Variants in FNIP1 observed in about 807,000 individuals in gnomAD.
FNIP1 encodes the protein folliculin interacting protein 1, also known as folliculin-interacting protein 1.
FNIP1 carries 40 observed loss-of-function variants against 124.5 expected under a neutral mutation model. That is an observed-to-expected ratio of 0.32 (90% CI 0.25 to 0.42). The LOEUF is 0.42. Ranked by LOEUF, FNIP1 falls within the 10% of genes least tolerant of loss-of-function variation. The probability of loss-of-function intolerance (pLI) is 1.00; values close to 1 mark genes in which losing one functional copy is unlikely to be tolerated. For synonymous variants in FNIP1, 472 were observed against 470.6 expected (o/e 1.00, Z -0.04); for missense variants, 1,176 against 1,403.7 (o/e 0.84, Z 2.59).
At chr5:131,684,905 A>G (rs1347411336) in intron 11 of FNIP1, among the ~76,000 whole-genome samples, 5 of 152,254 alleles carry the variant, frequency 3.3e-5, no homozygotes, top group Non-Finnish European at 7.3e-5. Context: ...TCACTGCCTT[A>G]TACTAATGCA....
intron 1 of FNIP1, among the ~76,000 whole-genome samples, chr5:131,760,350 C>A (rs1210266521): frequency 6.6e-6 from 1 of 152,160 alleles, no homozygotes; most frequent in African/African-American, 2.4e-5. Flanking sequence ...GTTTGTATCT[C>A]AATACATTAA....
chr5:131,781,863 A>G (rs887421158), intron 1 of FNIP1, among the ~76,000 whole-genome samples: 18 of 152,176 alleles, frequency 1.2e-4, no homozygotes, highest in Admixed American at 2.6e-4. Context: ...AAAAAAAAAG[A>G]AATACATTTT....
intron 10 of FNIP1, among the ~76,000 whole-genome samples, chr5:131,701,856 T>A (rs1018760881): frequency 1.3e-5 from 2 of 152,206 alleles, no homozygotes; most frequent in Non-Finnish European, 2.9e-5. Flanking sequence ...CAGAACTCCC[T>A]GGCAAGCACG....
chr5:131,665,693 G>A (rs529071899), intron 15 of FNIP1, among the ~76,000 whole-genome samples: 8 of 150,426 alleles, frequency 5.3e-5, no homozygotes, highest in East Asian at 3.9e-4. Flanking sequence ...AGGTTCAAGC[G>A]ATTGTCCTGC....
chr5:131,747,256 G>C (rs1253836845), intron 1 of FNIP1, among the ~76,000 whole-genome samples: 1 of 152,162 alleles, frequency 6.6e-6, no homozygotes, highest in African/African-American at 2.4e-5. Context: ...TTCCTTAAGA[G>C]AGCCTTAACC....
intron 1 of FNIP1, among the ~76,000 whole-genome samples, chr5:131,784,084 C>T (rs1424822950): frequency 1.3e-5 from 2 of 151,844 alleles, no homozygotes; most frequent in Non-Finnish European, 2.9e-5. Flanking sequence ...CCTGACAACA[C>T]TAGGGAGCAT....
intron 3 of FNIP1, among the ~76,000 whole-genome samples, chr5:131,724,830 T>G (rs1163936538): frequency 1.3e-5 from 2 of 152,218 alleles, no homozygotes; most frequent in African/African-American, 4.8e-5. Flanking sequence ...TTTTATGGTT[T>G]TAGGTCTTAC....
At chr5:131,699,734 G>A (rs954851566) in intron 10 of FNIP1, among the ~76,000 whole-genome samples, 8 of 151,208 alleles carry the variant, frequency 5.3e-5, no homozygotes, top group African/African-American at 1.7e-4. Context: ...TGGCCAACAT[G>A]GCAAAATCCT....
chr5:131,728,148 A>G (rs1769952047), intron 3 of FNIP1, among the ~76,000 whole-genome samples: 1 of 152,038 alleles, frequency 6.6e-6, no homozygotes. Context: ...TCTGACGATT[A>G]TGTGTCTTGG....
At chr5:131,706,272 T>A (rs1417687150) in intron 9 of FNIP1, 139 bp downstream of exon 9, 5 of 949,934 alleles carry the variant, frequency 5.3e-6, no homozygotes, top group Non-Finnish European at 7.4e-6. Flanking sequence ...ACCACAATTT[T>A]AAAAATGTAG....
chr5:131,678,726 T>C (rs1157297739), intron 12 of FNIP1, among the ~76,000 whole-genome samples: 1 of 152,156 alleles, frequency 6.6e-6, no homozygotes, highest in African/African-American at 2.4e-5. Flanking sequence ...AAATGTTTTC[T>C]ACCTCTTTTC....
chr5:131,733,419 G>T (rs1298552945), intron 2 of FNIP1, among the ~76,000 whole-genome samples: 4 of 152,296 alleles, frequency 2.6e-5, no homozygotes, highest in Admixed American at 1.3e-4. Flanking sequence ...TTTTCAAAGG[G>T]AATGCTTCCA....
chr5:131,789,526 A>T (rs1772328742), intron 1 of FNIP1, among the ~76,000 whole-genome samples: 1 of 152,196 alleles, frequency 6.6e-6, no homozygotes, highest in Non-Finnish European at 1.5e-5. Flanking sequence ...AAAGTTAAGT[A>T]GTGGGGCCAT....
chr5:131,671,889 A>G lies in FNIP1; in HGVS notation c.2555T>C (p.Val852Ala). 1.9e-6 allele frequency: 3 copies of G among 1,614,166 alleles called. No individual in the cohort carries two copies. Among genetic ancestry groups the G allele is most frequent in the Non-Finnish European group, 2.5e-6 (3 of 1,180,034 alleles). ...DSIETRTIDD[V>A]PFKTSTDSKD... ...ACTATCTGTACTTGTTTTAAATGGA[A>G]CATCATCAATAGTCCTGGTTTCGAT... Residue 852 changes from valine to alanine, a missense_variant, in exon 14 of 18, where the codon GTT (valine) becomes GCT (alanine). This residue lies in a region of FNIP1 where 1,109 missense variants were observed against 1,288.5 expected (regional missense o/e 0.86). Transcript: ENST00000510461.
intron 15 of FNIP1, among the ~76,000 whole-genome samples, chr5:131,656,437 A>G (rs1172079275): frequency 1.3e-5 from 2 of 152,220 alleles, no homozygotes; most frequent in Non-Finnish European, 1.5e-5. Flanking sequence ...TAAATCTCAT[A>G]ATGAAAATGC....
At chr5:131,665,227 A>G (rs192888423) in intron 15 of FNIP1, among the ~76,000 whole-genome samples, 112 of 152,220 alleles carry the variant, frequency 7.4e-4, no homozygotes, top group Middle Eastern at 3.4e-3. Flanking sequence ...TATACCGGCA[A>G]TAAGTGGCCA....
chr5:131,781,062 T>C (rs538109557), intron 1 of FNIP1, among the ~76,000 whole-genome samples: 47 of 152,360 alleles, frequency 3.1e-4, no homozygotes, highest in African/African-American at 1.0e-3. Context: ...AACAGCCTTA[T>C]TGCTGATAGG....
At chr5:131,751,367 T>C (rs1195254096) in intron 1 of FNIP1, among the ~76,000 whole-genome samples, 6 of 152,238 alleles carry the variant, frequency 3.9e-5, no homozygotes, top group East Asian at 1.9e-4. Flanking sequence ...ATAAATCTAA[T>C]AGTATCTTCA....
intron 11 of FNIP1, among the ~76,000 whole-genome samples, chr5:131,683,333 G>C (rs566684501): frequency 1.3e-5 from 2 of 151,756 alleles, no homozygotes; most frequent in Non-Finnish European, 1.5e-5. Flanking sequence ...CAGATCACGA[G>C]GTCAGGAGAT....
Sources: allele counts gnomAD v4.1 joint callset (sites outside exome capture counted in the v4.1 genomes callset), GRCh38; gene constraint gnomAD v4.1.1; regional missense constraint gnomAD v4.1.1; transcripts MANE v1.5; gene names NCBI Gene and HGNC (gene_info 2026-07-23, HGNC 2026-07-21).